Variants in COG5 observed in about 807,000 individuals in gnomAD.
COG5 encodes component of oligomeric golgi complex 5.
Under a neutral mutation model 110.4 loss-of-function variants are expected in COG5, and 86 were observed. The ratio of observed to expected loss-of-function variants is 0.78; its 90% CI spans 0.65 to 0.93. COG5 has a LOEUF of 0.93. Ranked by LOEUF, COG5 falls within the 40% of genes least tolerant of loss-of-function variation. The pLI is 0.00. For synonymous variants in COG5, 360 were observed against 334.6 expected (o/e 1.08, Z -0.83); for missense variants, 1,077 against 987.0 (o/e 1.09, Z -1.22).
intron 10 of COG5, among the ~76,000 whole-genome samples, chr7:107,347,075 G>T (rs568722152): frequency 6.6e-6 from 1 of 152,112 alleles, no homozygotes; most frequent in African/African-American, 2.4e-5. Context: ...CCCAAGCAAT[G>T]ATTGCATCAA....
chr7:107,286,259 G>A (rs950608162), intron 12 of COG5, among the ~76,000 whole-genome samples: 6 of 152,122 alleles, frequency 3.9e-5, no homozygotes, highest in East Asian at 1.9e-4. Context: ...ACAGATGGAC[G>A]TCATGTTAGG....
At chr7:107,540,124 T>C (rs924825305) in intron 5 of COG5, among the ~76,000 whole-genome samples, 8 of 151,960 alleles carry the variant, frequency 5.3e-5, no homozygotes, top group African/African-American at 1.9e-4. Flanking sequence ...AGCAGAAAAA[T>C]AGCTTCCAGT....
At chr7:107,408,167 A>G (rs1342405475) in intron 7 of COG5, among the ~76,000 whole-genome samples, 3 of 152,240 alleles carry the variant, frequency 2.0e-5, no homozygotes, top group Non-Finnish European at 2.9e-5. Flanking sequence ...TTTTGCTAAT[A>G]AAGTGTTAAT....
chr7:107,377,058 T>G (rs1193514623), intron 7 of COG5, among the ~76,000 whole-genome samples: 1 of 152,146 alleles, frequency 6.6e-6, no homozygotes, highest in Non-Finnish European at 1.5e-5. Context: ...ATTTTCATAT[T>G]GACATTAACC....
At chr7:107,228,070 C>T (rs149949613) in intron 19 of COG5, among the ~76,000 whole-genome samples, 263 of 152,104 alleles carry the variant, frequency 1.7e-3, no homozygotes, top group African/African-American at 5.6e-3. Flanking sequence ...GGGGCTGAGG[C>T]GGGCAGATAG....
intron 5 of COG5, chr7:107,547,864 G>A: frequency 2.2e-6 from 1 of 459,186 alleles, no homozygotes; most frequent in African/African-American, 2.0e-5. Context: ...ATAAAACATT[G>A]ATGAAAGAAA....
chr7:107,479,207 G>T (rs1373317477), intron 6 of COG5, among the ~76,000 whole-genome samples: 1 of 152,072 alleles, frequency 6.6e-6, no homozygotes, highest in Non-Finnish European at 1.5e-5. Context: ...AAACATTGCT[G>T]AATAAAGCTG....
chr7:107,314,541 G>A (rs2117013225), intron 11 of COG5, among the ~76,000 whole-genome samples: 1 of 141,778 alleles, frequency 7.1e-6, no homozygotes, highest in East Asian at 2.1e-4. Flanking sequence ...CAGGAGATAA[G>A]AGACCATCCT....
At chr7:107,210,686 C>T in intron 20 of COG5, 81 bp from the exon 21 acceptor site, 1 of 1,431,310 alleles carries the variant, frequency 7.0e-7, no homozygotes, top group Non-Finnish European at 9.6e-7. Flanking sequence ...GAAAAGCACT[C>T]TCAAGTATTC....
At chr7:107,563,113 T>A (rs1486352144) in intron 1 of COG5, among the ~76,000 whole-genome samples, 1 of 152,212 alleles carries the variant, frequency 6.6e-6, no homozygotes, top group Non-Finnish European at 1.5e-5. Context: ...GGTAACTGGA[T>A]TGACACAACT....
rs149260922 is a variant in COG5, at chr7:107,370,512, G to A, written c.835+2083C>T. On this transcript the variant is annotated intron_variant, in intron 8 of 21. Transcript: ENST00000297135. ...TAAAATATAAAATAATTGGCTGGGC[G>A]CGGTGGCTCACGCCTGTAATCTCAG... Among the ~76,000 whole-genome samples, 534 of 152,034 alleles carry A rather than the reference G, an allele frequency of 3.5e-3. 6 individuals are homozygous for A. Among genetic ancestry groups the A allele is most frequent in the African/African-American group, 0.012 (502 of 41,492 alleles).
At chr7:107,210,050 C>T (rs1436855810) in intron 21 of COG5, 6 of 1,028,038 alleles carry the variant, frequency 5.8e-6, no homozygotes, top group Non-Finnish European at 7.0e-6. Flanking sequence ...TGAATGCATT[C>T]ATGGGGCACT....
intron 17 of COG5, among the ~76,000 whole-genome samples, chr7:107,244,583 T>C (rs1274879805): frequency 6.6e-6 from 1 of 151,270 alleles, no homozygotes; most frequent in Non-Finnish European, 1.5e-5. Flanking sequence ...GCTAGACTAA[T>C]AAAGAAGAGA....
At chr7:107,242,239 G>T (rs1004381440) in intron 17 of COG5, among the ~76,000 whole-genome samples, 1 of 152,276 alleles carries the variant, frequency 6.6e-6, no homozygotes, top group Non-Finnish European at 1.5e-5. Flanking sequence ...CAACCTGACC[G>T]ACAGAGAATG....
intron 6 of COG5, among the ~76,000 whole-genome samples, chr7:107,498,051 A>C (rs1036168823): frequency 6.6e-6 from 1 of 152,180 alleles, no homozygotes; most frequent in Non-Finnish European, 1.5e-5. Context: ...AGTCTCTTCA[A>C]CAAATACAAG....
At chr7:107,503,592 A>G (rs552618533) in intron 6 of COG5, among the ~76,000 whole-genome samples, 52 of 152,316 alleles carry the variant, frequency 3.4e-4, no homozygotes, top group African/African-American at 1.3e-3. Flanking sequence ...TGCTTTGGGC[A>G]GTATGGTTAT....
At chr7:107,484,207 C>T (rs74942453) in intron 6 of COG5, among the ~76,000 whole-genome samples, 2,663 of 152,068 alleles carry the variant, frequency 0.018, 80 homozygotes, top group African/African-American at 0.059. Context: ...TGCACCAACG[C>T]TACCAGCAAG....
intron 10 of COG5, among the ~76,000 whole-genome samples, chr7:107,345,559 G>C (rs919131045): frequency 6.6e-6 from 1 of 152,148 alleles, no homozygotes; most frequent in African/African-American, 2.4e-5. Context: ...GGGAAAGTAA[G>C]GGGTAGGGAA....
intron 10 of COG5, among the ~76,000 whole-genome samples, chr7:107,345,837 T>C (rs1028850404): frequency 2.6e-5 from 4 of 152,198 alleles, no homozygotes; most frequent in Admixed American, 6.5e-5. Context: ...CAAATTTATA[T>C]TGGATTACTA....
Sources: allele counts gnomAD v4.1 joint callset (sites outside exome capture counted in the v4.1 genomes callset), GRCh38; gene constraint gnomAD v4.1.1; transcripts MANE v1.5; gene names NCBI Gene and HGNC (gene_info 2026-07-23, HGNC 2026-07-21).